The following SVEP1 variants were observed in gnomAD, a reference collection of about 807,000 sequenced individuals.
SVEP1 encodes sushi, von Willebrand factor type A, EGF and pentraxin domain-containing protein 1.
In SVEP1, 164 loss-of-function variants were observed where a neutral mutation model predicts 367.3. The ratio of observed to expected loss-of-function variants is 0.45; its 90% CI spans 0.39 to 0.51. The LOEUF (loss-of-function observed/expected upper bound fraction) is 0.51. SVEP1 is among the 20% of genes least tolerant of loss of function. SVEP1 has a pLI of 0.00. For synonymous variants in SVEP1, 1,666 were observed against 1,611.6 expected, an observed-to-expected ratio of 1.03 and a Z score of -0.81; for missense variants, 4,117 against 4,425.3, an observed-to-expected ratio of 0.93 and a Z score of 1.98.
chr9:110,528,328 G>T (rs973624652), intron 3 of SVEP1, among the ~76,000 whole-genome samples: 1 of 150,624 alleles, frequency 6.6e-6, no homozygotes, highest in Non-Finnish European at 1.5e-5. Flanking sequence ...ATACCCAGTA[G>T]TGGGATTGCT....
intron 43 of SVEP1, among the ~76,000 whole-genome samples, chr9:110,380,660 T>C (rs1343932898): frequency 6.6e-6 from 1 of 152,168 alleles, no homozygotes; most frequent in Non-Finnish European, 1.5e-5. Flanking sequence ...TTTCTTTTTC[T>C]TGTATCTCCA....
intron 9 of SVEP1, among the ~76,000 whole-genome samples, chr9:110,484,641 T>C (rs1409906770): frequency 6.6e-6 from 1 of 152,056 alleles, no homozygotes. Flanking sequence ...GAAACTATTA[T>C]CAGAGTGAAC....
chr9:110,402,858 T>C (rs558883324), intron 39 of SVEP1, among the ~76,000 whole-genome samples: 32 of 152,336 alleles, frequency 2.1e-4, no homozygotes, highest in Middle Eastern at 3.4e-3. Context: ...TTCCCCCTAA[T>C]GTTTCTGCTT....
rs59360366 is a variant in SVEP1, at chr9:110,528,156, G to GTA, written c.965-14052_965-14051dup. Reference sequence around the variant, plus strand: ...CGTGTGTGTGTGTGTGTGTGTGTGTGTATATATATATATATATATATATAT... The same window carrying GTA: ...CGTGTGTGTGTGTGTGTGTGTGTGTGTATATATATATATATATATATATATAT... On this transcript the variant is annotated intron_variant, in intron 3 of 47. Transcript: ENST00000374469. 5.0e-3 allele frequency among the ~76,000 whole-genome samples: 170 copies of GTA among 33,934 alleles called. 2 individuals carry two copies. Among genetic ancestry groups the GTA allele is most frequent in the East Asian group, 0.022 (41 of 1,900 alleles). 22.3% of individuals were successfully genotyped at this position (33,934 alleles called of 152,430 possible). A position where few individuals can be genotyped will look rare whatever the true frequency, so the allele number is the denominator to read the frequency against.
chr9:110,394,904 T>C (rs1385743714), intron 40 of SVEP1, among the ~76,000 whole-genome samples: 1 of 152,122 alleles, frequency 6.6e-6, no homozygotes, highest in Non-Finnish European at 1.5e-5. Context: ...ATGGGGAGAA[T>C]GGAACCAAGT....
chr9:110,438,736 G>A (rs1229479755), intron 27 of SVEP1, among the ~76,000 whole-genome samples: 1 of 152,110 alleles, frequency 6.6e-6, no homozygotes, highest in Non-Finnish European at 1.5e-5. Flanking sequence ...ATTTCTCTAA[G>A]GCTTTTGATA....
At chr9:110,535,423 C>T (rs188337015) in intron 3 of SVEP1, among the ~76,000 whole-genome samples, 607 of 151,962 alleles carry the variant, frequency 4.0e-3, no homozygotes, top group African/African-American at 0.014. Flanking sequence ...ACTGTAGGCC[C>T]ATAGTATAGT....
chr9:110,573,098 C>A (rs774598729), intron 1 of SVEP1, among the ~76,000 whole-genome samples: 1 of 151,902 alleles, frequency 6.6e-6, no homozygotes, highest in Non-Finnish European at 1.5e-5. Context: ...CAACAGTGAG[C>A]GATTGTTGAT....
In SVEP1 at chr9:110,427,635, A is replaced by G. The variant is rs1039056493; in HGVS notation, c.5931T>C (p.Asn1977=). 6.2e-7 allele frequency: 1 copy of G among 1,613,722 alleles called. No homozygotes were observed. Among genetic ancestry groups the G allele is most frequent in the African/African-American group, 1.3e-5 (1 of 74,890 alleles). ...TGACGGTGTTCCTGAAAGTGAAGTT[A>G]TTCCCCGTAATGACAGCATCTTTGA... ...PAIKDAVITG[N]NFTFRNTVTY... Residue 1977 remains asparagine, a synonymous_variant, in exon 36 of 48, where the codon AAT becomes AAC. Transcript: ENST00000374469.
At chr9:110,470,954 G>C (rs1201224868) in intron 16 of SVEP1, among the ~76,000 whole-genome samples, 19 of 152,068 alleles carry the variant, frequency 1.2e-4, no homozygotes, top group African/African-American at 4.6e-4. Context: ...GTAAGTCTTA[G>C]GGGCAAATTC....
chr9:110,482,289 T>G, intron 11 of SVEP1, 72 bp downstream of exon 11: 1 of 1,470,410 alleles, frequency 6.8e-7, no homozygotes, highest in Non-Finnish European at 9.0e-7. Flanking sequence ...TTTTCTTTCA[T>G]AAAACAGAGC....
intron 22 of SVEP1, 26 bp downstream of exon 22, chr9:110,455,564 T>C (rs761999357): frequency 3.9e-6 from 6 of 1,551,074 alleles, no homozygotes; most frequent in Non-Finnish European, 5.3e-6. Context: ...ATTTATATTG[T>C]TGAAAACAGG....
intron 28 of SVEP1, among the ~76,000 whole-genome samples, chr9:110,436,114 A>G (rs1828427617): frequency 6.6e-6 from 1 of 151,884 alleles, no homozygotes; most frequent in Non-Finnish European, 1.5e-5. Flanking sequence ...CTTAAATTTT[A>G]TTGGAGAACA....
chr9:110,442,034 T>C (rs1430058724), intron 27 of SVEP1, among the ~76,000 whole-genome samples: 3 of 152,242 alleles, frequency 2.0e-5, no homozygotes, highest in Non-Finnish European at 4.4e-5. Flanking sequence ...AATCTTTTTC[T>C]AGCGCTTTCA....
chr9:110,551,779 T>C (rs961752471), intron 1 of SVEP1, among the ~76,000 whole-genome samples: 3 of 152,082 alleles, frequency 2.0e-5, no homozygotes, highest in Non-Finnish European at 4.4e-5. Flanking sequence ...AAAAAACCTC[T>C]GAGGAGAGGA....
At chr9:110,491,588 G>GGGGT (rs1554719176) in intron 8 of SVEP1, among the ~76,000 whole-genome samples, 3 of 72,698 alleles carry the variant, frequency 4.1e-5, no homozygotes, top group Non-Finnish European at 5.0e-5. Flanking sequence ...TTTATAGAAT[G>GGGGT]GGGTGTGTGT....
chr9:110,379,527 A>G lies in SVEP1; in HGVS notation c.10238-10T>C. On this transcript the variant is annotated splice_polypyrimidine_tract_variant and intron_variant, in intron 43 of 47. Coordinates refer to ENST00000374469, the MANE Select transcript of SVEP1 (RefSeq NM_153366.4). ...GGACCACATGAGATTTCTACAGGATAACAAAACAACAATTAAGCTTGTGCT... is the reference window on the plus strand; with the variant it reads ...GGACCACATGAGATTTCTACAGGATGACAAAACAACAATTAAGCTTGTGCT... The G allele has an allele frequency of 1.2e-6, 2 of 1,613,306 alleles. No homozygotes were observed.
At chr9:110,431,747 T>G (rs924640209) in intron 32 of SVEP1, among the ~76,000 whole-genome samples, 168 bp downstream of exon 32, 2 of 152,242 alleles carry the variant, frequency 1.3e-5, no homozygotes, top group South Asian at 2.1e-4. Flanking sequence ...TTTAAAGCAC[T>G]TTTAGTTGTT....
intron 2 of SVEP1, among the ~76,000 whole-genome samples, chr9:110,547,691 T>C (rs1242444902): frequency 2.0e-5 from 3 of 152,200 alleles, no homozygotes; most frequent in South Asian, 2.1e-4. Flanking sequence ...GCTATTATTC[T>C]GTAACCTATG....
Sources: gnomAD v4.1 joint callset for allele counts (sites outside exome capture counted in the v4.1 genomes callset) on GRCh38, gnomAD v4.1.1 for gene constraint, MANE v1.5 for transcripts, NCBI Gene and HGNC (gene_info 2026-07-23, HGNC 2026-07-21) for gene names.